COX15: variants seen among roughly 807,000 people sequenced by gnomAD.
The protein encoded by COX15 is cytochrome c oxidase assembly factor COX15, also known as heme A synthase COX15.
COX15 carries 51 observed loss-of-function variants against 51.9 expected under a neutral mutation model. The ratio of observed to expected loss-of-function variants is 0.98; its 90% confidence interval spans 0.78 to 1.24. The LOEUF (loss-of-function observed/expected upper bound fraction) is 1.24, where lower values mean the gene tolerates loss of function less well. Among genes scored for constraint, COX15 ranks in the 50% most tolerant of loss-of-function variants. The pLI is 0.00. For synonymous variants in COX15, 188 were observed against 190.5 expected (o/e 0.99, Z 0.11); for missense variants, 420 against 501.1 (o/e 0.84, Z 1.55).
chr10:99,695,832 A>G, the COX15 span: 23 of 868,596 alleles, frequency 2.6e-5, no homozygotes, highest in Middle Eastern at 3.2e-4. Flanking sequence ...ATGAGGATGA[A>G]AGAATGCTTA....
At chr10:99,709,836 T>A (rs1415845347), downstream of COX15, 1 of 985,214 alleles carries the variant, frequency 1.0e-6, no homozygotes, top group Non-Finnish European at 1.2e-6. Context: ...TCAGTACCGT[T>A]ATCAGAGGGA....
chr10:99,700,246 T>C, the COX15 span, among the ~76,000 whole-genome samples: 3 of 152,142 alleles, frequency 2.0e-5, no homozygotes, highest in Non-Finnish European at 4.4e-5. Context: ...GCGATTTTTT[T>C]CCCTTACCTT....
In COX15 at chr10:99,711,839, G is replaced by C. The variant is rs2036399276; in HGVS notation, c.*2748C>G. On this transcript the variant is annotated 3_prime_UTR_variant, in exon 9 of 9. Coordinates refer to ENST00000016171, the MANE Select transcript of COX15 (RefSeq NM_078470.6). The stretch of plus-strand genomic sequence containing the variant: ...GCTTGCATTGCTATAAGGAAATACT[G>C]ACAATTTTTAGAAAGAAAAGAGGTT... 1.0e-6 allele frequency: 1 copy of C among 983,852 alleles called. No individual in the cohort carries two copies. Among genetic ancestry groups the C allele is most frequent in the Non-Finnish European group, 1.2e-6 (1 of 828,642 alleles). The allele number at this position is 983,852 out of a possible 1,614,324, so 60.9% of individuals were successfully genotyped here.
At chr10:99,731,089 T>C (rs1202623028) in intron 1 of COX15, among the ~76,000 whole-genome samples, 1 of 152,170 alleles carries the variant, frequency 6.6e-6, no homozygotes, top group African/African-American at 2.4e-5. Flanking sequence ...GAAAAAGATT[T>C]TTTTTTAAAA....
intron 5 of COX15, 45 bp from the exon 6 acceptor site, chr10:99,721,113 C>T (rs1296058737): frequency 1.3e-6 from 2 of 1,498,866 alleles, no homozygotes; most frequent in South Asian, 2.4e-5. Flanking sequence ...GTTGCAGGAA[C>T]AATGAGAGGC....
At chr10:99,695,930 C>T in the COX15 span, 3 of 1,571,998 alleles carry the variant, frequency 1.9e-6, no homozygotes, top group Admixed American at 3.9e-5. Context: ...CTAAAATTCC[C>T]TTTTTCTCTT....
intron 5 of COX15, among the ~76,000 whole-genome samples, chr10:99,723,661 A>C (rs967498900): frequency 6.6e-6 from 1 of 152,218 alleles, no homozygotes; most frequent in African/African-American, 2.4e-5. Context: ...GCAGGTCCCC[A>C]TTTAACGAAC....
chr10:99,714,609 T>A lies in COX15; in HGVS notation c.1211A>T (p.Glu404Val). Residue 404 changes from glutamate (E) to valine (V), a missense_variant, in exon 9 of 9, where the codon GAA (glutamate) becomes GTA (valine). Coordinates refer to ENST00000016171, the MANE Select transcript of COX15 (RefSeq NM_078470.6). ...GAATCATTTTGGGACTCTTCGGAGT[T>A]CATTCATCAGCCAAAGAGCACCAGT... ...LLTGALWLMNELRRVPK is the reference protein window; with the variant it reads ...LLTGALWLMNVLRRVPK 2 of 1,614,142 alleles carry A rather than the reference T, an allele frequency of 1.2e-6. No homozygotes were observed. Among genetic ancestry groups the A allele is most frequent in the Non-Finnish European group, 1.7e-6 (2 of 1,180,018 alleles).
chr10:99,713,175 C>A lies in COX15; in HGVS notation c.*1412G>T. ...TAATTTTTCTGTTATCATATAATAACAACATGAATACTACTTGGTTCATAT... is the reference window on the plus strand; with the variant it reads ...TAATTTTTCTGTTATCATATAATAAAAACATGAATACTACTTGGTTCATAT... On this transcript the variant is annotated 3_prime_UTR_variant, in exon 9 of 9. Transcript: ENST00000016171. 7.3e-7 allele frequency: 1 copy of A among 1,365,896 alleles called. No homozygotes were observed. Among genetic ancestry groups the A allele is most frequent in the Non-Finnish European group, 9.5e-7 (1 of 1,054,286 alleles). The allele number at this position is 1,365,896 out of a possible 1,614,324, so 84.6% of individuals were successfully genotyped here. A position where few individuals can be genotyped will look rare whatever the true frequency, so the allele number is the denominator to read the frequency against.
At chr10:99,723,431 C>T (rs960294052) in intron 5 of COX15, among the ~76,000 whole-genome samples, 3 of 151,906 alleles carry the variant, frequency 2.0e-5, no homozygotes, top group Admixed American at 1.3e-4. Context: ...CGTGAGCCAC[C>T]GCGCCTGGCC....
the COX15 span, chr10:99,702,389 G>A: frequency 2.6e-6 from 2 of 761,434 alleles, no homozygotes; most frequent in East Asian, 5.8e-5. Flanking sequence ...TAGAGGTGAG[G>A]AAGGTGAAGC....
chr10:99,727,681 G>T, intron 2 of COX15, 118 bp from the exon 3 acceptor site: 1 of 1,260,174 alleles, frequency 7.9e-7, no homozygotes, highest in Non-Finnish European at 1.1e-6. Flanking sequence ...TTGTTTCCTT[G>T]TTTCCTCTTT....
At chr10:99,695,221 A>G in the COX15 span, among the ~76,000 whole-genome samples, 2 of 152,120 alleles carry the variant, frequency 1.3e-5, no homozygotes, top group African/African-American at 4.8e-5. Flanking sequence ...GGCTTCTTGG[A>G]TAATGTTAGA....
At chr10:99,728,400 G>A (rs1191276607) in intron 2 of COX15, among the ~76,000 whole-genome samples, 3 of 152,220 alleles carry the variant, frequency 2.0e-5, no homozygotes, top group Non-Finnish European at 4.4e-5. Context: ...GCCTTTGGAG[G>A]ATTTGGGGGA....
At chr10:99,702,496 T>G in the COX15 span, 1 of 1,516,556 alleles carries the variant, frequency 6.6e-7, no homozygotes, top group Non-Finnish European at 8.8e-7. Context: ...AAAATTTAAT[T>G]ATTTTTGTCA....
the COX15 span, chr10:99,698,747 T>G: frequency 1.2e-6 from 2 of 1,614,124 alleles, no homozygotes; most frequent in South Asian, 1.1e-5. Context: ...AATCGCCTAT[T>G]GACTTCAACA....
the COX15 span, among the ~76,000 whole-genome samples, chr10:99,695,654 A>G: frequency 6.6e-6 from 1 of 152,218 alleles, no homozygotes; most frequent in African/African-American, 2.4e-5. Context: ...GAATTGGAAA[A>G]TACAGAAAAA....
chr10:99,703,521 C>G, the COX15 span, among the ~76,000 whole-genome samples: 1 of 152,180 alleles, frequency 6.6e-6, no homozygotes, highest in Non-Finnish European at 1.5e-5. Flanking sequence ...GATTCGCATT[C>G]TAGAAGAACA....
At chr10:99,731,218 T>G (rs1331986735) in intron 1 of COX15, among the ~76,000 whole-genome samples, 1 of 152,234 alleles carries the variant, frequency 6.6e-6, no homozygotes, top group African/African-American at 2.4e-5. Flanking sequence ...CAGGTTCATC[T>G]GTTTGTATCT....
Sources: gnomAD v4.1 joint callset for allele counts (sites outside exome capture counted in the v4.1 genomes callset) on GRCh38, gnomAD v4.1.1 for gene constraint, MANE v1.5 for transcripts, NCBI Gene and HGNC (gene_info 2026-07-23, HGNC 2026-07-21) for gene names.